Variants in AGBL3 observed in about 807,000 individuals in gnomAD.
The protein encoded by AGBL3 is AGBL carboxypeptidase 3.
In AGBL3, 68 loss-of-function variants were observed where a neutral mutation model predicts 94.5. The ratio of observed to expected loss-of-function variants is 0.72; its 90% CI spans 0.59 to 0.88. The LOEUF is 0.88. Ranked by LOEUF, AGBL3 falls within the 40% of genes least tolerant of loss-of-function variation. The probability of loss-of-function intolerance (pLI) is 0.00; values close to 1 mark genes in which losing one functional copy is unlikely to be tolerated. For missense variants in AGBL3, 934 were observed against 1,103.8 expected (o/e 0.85, Z 2.18); for synonymous variants, 354 against 370.7 (o/e 0.95, Z 0.52).
intron 11 of AGBL3, among the ~76,000 whole-genome samples, chr7:135,052,742 G>C (rs1034219948): frequency 7.9e-5 from 12 of 152,136 alleles, no homozygotes; most frequent in Non-Finnish European, 1.8e-4. Flanking sequence ...GATCAAATAA[G>C]ATAATGTGTA....
chr7:135,025,202 A>T (rs1814953592), intron 5 of AGBL3, among the ~76,000 whole-genome samples: 1 of 151,568 alleles, frequency 6.6e-6, no homozygotes, highest in Admixed American at 6.6e-5. Flanking sequence ...GAAAGAAAAA[A>T]TCTTAAAGGC....
intron 4 of AGBL3, among the ~76,000 whole-genome samples, chr7:135,014,560 T>G (rs1813551044): frequency 6.6e-6 from 1 of 152,230 alleles, no homozygotes. Context: ...TACCAACTAC[T>G]TAGGCTTTTA....
intron 15 of AGBL3, among the ~76,000 whole-genome samples, chr7:135,105,200 G>T (rs573065910): frequency 6.6e-6 from 1 of 151,112 alleles, no homozygotes; most frequent in Non-Finnish European, 1.5e-5. Context: ...CTCCCCAGTC[G>T]CTGGGATTAC....
At chr7:135,120,815 T>C (rs1488085169) in intron 16 of AGBL3, among the ~76,000 whole-genome samples, 1 of 152,172 alleles carries the variant, frequency 6.6e-6, no homozygotes, top group Non-Finnish European at 1.5e-5. Flanking sequence ...GTAAAGTAGA[T>C]TTTAGAGGAA....
chr7:135,025,996 C>G (rs1815050551), intron 5 of AGBL3, among the ~76,000 whole-genome samples: 1 of 151,562 alleles, frequency 6.6e-6, no homozygotes, highest in South Asian at 2.2e-4. Context: ...ACCCCACTGA[C>G]AGTGTTAAGA....
At chr7:135,028,467 C>G (rs760564767) in intron 5 of AGBL3, among the ~76,000 whole-genome samples, 1 of 152,172 alleles carries the variant, frequency 6.6e-6, no homozygotes, top group Non-Finnish European at 1.5e-5. Flanking sequence ...CTTTGCTCAT[C>G]CTTAAGAAGC....
At chr7:135,115,780 T>C in intron 16 of AGBL3, 169 bp downstream of exon 16, 2 of 564,874 alleles carry the variant, frequency 3.5e-6, no homozygotes, top group Non-Finnish European at 3.1e-6. Context: ...AAACACTGGA[T>C]AAATGAAGGA....
chr7:134,998,412 TA>T (rs1326067284), intron 4 of AGBL3, among the ~76,000 whole-genome samples: 1 of 152,212 alleles, frequency 6.6e-6, no homozygotes, highest in East Asian at 1.9e-4. Context: ...ACCAGTGTAA[TA>T]CTAGATTTTC....
At chr7:135,067,058 G>T (rs568862663) in intron 12 of AGBL3, among the ~76,000 whole-genome samples, 1 of 152,190 alleles carries the variant, frequency 6.6e-6, no homozygotes, top group Non-Finnish European at 1.5e-5. Flanking sequence ...CTCTTCCAAC[G>T]GTCTTAGCAA....
At chr7:135,125,115 G>T (rs1418679397) in intron 16 of AGBL3, among the ~76,000 whole-genome samples, 2 of 151,886 alleles carry the variant, frequency 1.3e-5, no homozygotes, top group African/African-American at 2.4e-5. Flanking sequence ...TCCAGCAGCT[G>T]TTTTTTTAAA....
chr7:135,124,660 T>C (rs903977286), intron 16 of AGBL3, among the ~76,000 whole-genome samples: 3 of 152,208 alleles, frequency 2.0e-5, no homozygotes, highest in Admixed American at 1.3e-4. Context: ...AAAACAGTCC[T>C]CAACAAATGC....
chr7:135,078,933 A>C (rs780775471), intron 13 of AGBL3, among the ~76,000 whole-genome samples: 1 of 152,350 alleles, frequency 6.6e-6, no homozygotes, highest in African/African-American at 2.4e-5. Flanking sequence ...GCTTATAAGA[A>C]GACATCAATA....
intron 5 of AGBL3, among the ~76,000 whole-genome samples, chr7:135,021,458 A>AT (rs1431756696): frequency 2.0e-5 from 3 of 150,570 alleles, no homozygotes; most frequent in African/African-American, 7.3e-5. Context: ...CGCCTGGCTA[A>AT]TTTTTTTGTA....
At chr7:135,069,564 A>G (rs12260670) in intron 12 of AGBL3, among the ~76,000 whole-genome samples, 67,156 of 152,040 alleles carry the variant, frequency 0.44, 15,482 homozygotes, top group East Asian at 0.77. Flanking sequence ...ACTCAGGATT[A>G]AGAAACTCAT....
intron 15 of AGBL3, among the ~76,000 whole-genome samples, chr7:135,111,654 T>C (rs1825656212): frequency 6.6e-6 from 1 of 152,120 alleles, no homozygotes; most frequent in Admixed American, 6.5e-5. Context: ...TCTGTGACAC[T>C]ACTCTCTCCT....
chr7:135,099,882 C>CTTTTTTTTTTTTTTTTTTTTTTT (rs34324217), intron 15 of AGBL3: 2 of 62,700 alleles, frequency 3.2e-5, no homozygotes, highest in Non-Finnish European at 5.5e-5. Flanking sequence ...CTGAGTTTCT[C>CTTTTTTTTTTTTTTTTTTTTTTT]TTTTTTTTTT....
At chr7:135,012,061 T>C (rs1423376146) in intron 4 of AGBL3, 1 of 152,158 alleles carries the variant, frequency 6.6e-6, no homozygotes, top group African/African-American at 2.4e-5. Flanking sequence ...TTTTGTACAA[T>C]ATTATATATC....
intron 12 of AGBL3, among the ~76,000 whole-genome samples, chr7:135,068,711 T>C (rs187789236): frequency 9.8e-5 from 15 of 152,304 alleles, no homozygotes; most frequent in African/African-American, 3.4e-4. Flanking sequence ...CCAGCAGGCC[T>C]TCCCTAAGAG....
Position 135,020,146 on chromosome 7 carries a change from T to G in AGBL3, c.418+2987T>G, listed in dbSNP as rs547166081. On this transcript the variant is annotated intron_variant, in intron 5 of 16. Transcript: ENST00000436302. ...AGACAACCTACAGAATGGGAGAAAATTTTTGCAATCTACTCATCGGACAAA... is the reference window on the plus strand; with the variant it reads ...AGACAACCTACAGAATGGGAGAAAAGTTTTGCAATCTACTCATCGGACAAA... 3.6e-3 allele frequency among the ~76,000 whole-genome samples: 546 copies of G among 151,656 alleles called. 1 individual carries two copies. Among genetic ancestry groups the G allele is most frequent in the Non-Finnish European group, 5.6e-3 (379 of 67,858 alleles).
Sources: allele counts gnomAD v4.1 joint callset (sites outside exome capture counted in the v4.1 genomes callset), GRCh38; gene constraint gnomAD v4.1.1; transcripts MANE v1.5; gene names NCBI Gene and HGNC (gene_info 2026-07-23, HGNC 2026-07-21).